The following DSCAM variants were observed in gnomAD, a reference collection of about 807,000 sequenced individuals.
The protein encoded by DSCAM is cell adhesion molecule DSCAM.
Under a neutral mutation model 217.7 loss-of-function variants are expected in DSCAM, and 47 were observed. The observed-to-expected ratio is 0.22, with a 90% CI of 0.17 to 0.28. The LOEUF is 0.28. DSCAM is among the 10% of genes least tolerant of loss of function. The probability of loss-of-function intolerance (pLI) is 1.00; values close to 1 mark genes in which losing one functional copy is unlikely to be tolerated. For missense variants in DSCAM, 2,080 were observed against 2,618.3 expected, an observed-to-expected ratio of 0.79 and a Z score of 4.49; for synonymous variants, 1,056 against 1,015.3, an observed-to-expected ratio of 1.04 and a Z score of -0.76.
intron 13 of DSCAM, among the ~76,000 whole-genome samples, chr21:40,187,503 C>T (rs528521819): frequency 3.9e-5 from 6 of 152,286 alleles, no homozygotes; most frequent in South Asian, 4.1e-4. Flanking sequence ...TAAAATGTCA[C>T]GATTCTAGTT....
intron 1 of DSCAM, among the ~76,000 whole-genome samples, chr21:40,821,093 GAGATATATATATCTTCACATATATAT>G (rs1555892324): frequency 2.3e-5 from 3 of 129,318 alleles, no homozygotes; most frequent in African/African-American, 8.9e-5. Context: ...CATATATAGA[GAGATATATATATCTTCACATATATAT>G]AGATATATAT....
intron 3 of DSCAM, among the ~76,000 whole-genome samples, chr21:40,686,629 G>C (rs945453477): frequency 6.6e-6 from 1 of 152,162 alleles, no homozygotes; most frequent in East Asian, 1.9e-4. Context: ...GTGTTGGGTT[G>C]TACTCCACAA....
At chr21:40,547,629 C>G (rs9977991) in intron 3 of DSCAM, among the ~76,000 whole-genome samples, 71,080 of 151,844 alleles carry the variant, frequency 0.47, 17,142 homozygotes, top group Admixed American at 0.55. Context: ...TCCTGAGTTT[C>G]CTGCACAAGT....
intron 1 of DSCAM, among the ~76,000 whole-genome samples, chr21:40,809,595 C>T (rs2091819806): frequency 6.6e-6 from 1 of 152,202 alleles, no homozygotes; most frequent in South Asian, 2.1e-4. Context: ...TGTAAACTGT[C>T]AGCCTAGACC....
chr21:40,186,433 C>G (rs1029070174), intron 14 of DSCAM, among the ~76,000 whole-genome samples: 2 of 152,144 alleles, frequency 1.3e-5, no homozygotes, highest in Non-Finnish European at 2.9e-5. Context: ...AGTAAAAATT[C>G]TGACTAGAGG....
intron 6 of DSCAM, among the ~76,000 whole-genome samples, chr21:40,345,908 G>A (rs956931527): frequency 4.0e-5 from 6 of 151,602 alleles, no homozygotes; most frequent in Non-Finnish European, 8.9e-5. Flanking sequence ...GGTGCGCCTC[G>A]GCCCCCTTTT....
At chr21:40,127,864 A>G (rs445051) in intron 19 of DSCAM, among the ~76,000 whole-genome samples, 46,691 of 151,800 alleles carry the variant, frequency 0.31, 8,909 homozygotes, top group South Asian at 0.51. Context: ...CCCAACACTG[A>G]GCTCTGTTTC....
rs145548580 is a variant in DSCAM, at chr21:40,339,472, C to G, written c.1211-57G>C. Reference sequence around the variant, plus strand: ...CACATACAAATAATTAAACAACTTCCAAGTATATGTCTTTCATGTCTAGGG... The same window carrying G: ...CACATACAAATAATTAAACAACTTCGAAGTATATGTCTTTCATGTCTAGGG... On this transcript the variant is annotated intron_variant, in intron 6 of 32. Transcript: ENST00000400454. 1.9e-4 allele frequency: 281 copies of G among 1,461,176 alleles called. No homozygotes were observed. In the African/African-American group the frequency reaches 3.4e-3, roughly 18 times the overall value. The allele number at this position is 1,461,176 out of a possible 1,614,324, so 90.5% of individuals were successfully genotyped here.
At chr21:40,338,992 G>T in intron 7 of DSCAM, 127 bp downstream of exon 7, 1 of 1,195,814 alleles carries the variant, frequency 8.4e-7, no homozygotes, top group Non-Finnish European at 1.2e-6. Flanking sequence ...GAAGGAGAGG[G>T]TAGGAAATGG....
intron 3 of DSCAM, among the ~76,000 whole-genome samples, chr21:40,532,608 C>T (rs572054633): frequency 4.6e-5 from 7 of 152,032 alleles, no homozygotes; most frequent in Admixed American, 2.6e-4. Flanking sequence ...CTCAGTGGTC[C>T]GGAACAAGAA....
chr21:40,369,845 T>C (rs2074876313), intron 3 of DSCAM, among the ~76,000 whole-genome samples: 1 of 152,224 alleles, frequency 6.6e-6, no homozygotes, highest in Non-Finnish European at 1.5e-5. Context: ...ACATATCAAT[T>C]CTTCCCAGAT....
intron 20 of DSCAM, among the ~76,000 whole-genome samples, chr21:40,123,974 T>G (rs1029939096): frequency 6.6e-6 from 1 of 152,132 alleles, no homozygotes; most frequent in Non-Finnish European, 1.5e-5. Flanking sequence ...AAATAAACAA[T>G]AATTCCAGAC....
rs548437279 is a variant in DSCAM at position 40,145,666 on chromosome 21, G to A, written c.3019-935C>T. On this transcript the variant is annotated intron_variant, in intron 16 of 32. Transcript: ENST00000400454. ...TCAAGAACAGCCTGGCCAACATGGT[G>A]AAACCCCGTCTCTGCTAAAAATACA... 7.8e-5 allele frequency among the ~76,000 whole-genome samples: 9 copies of A among 115,802 alleles called. No homozygotes were observed. In the South Asian group the frequency reaches 3.1e-3, roughly 40 times the overall value. 76.0% of individuals were successfully genotyped at this position (115,802 alleles called of 152,430 possible). A position where few individuals can be genotyped will look rare whatever the true frequency, so the allele number is the denominator to read the frequency against.
At chr21:40,132,550 C>G (rs1487443215) in intron 19 of DSCAM, among the ~76,000 whole-genome samples, 1 of 152,176 alleles carries the variant, frequency 6.6e-6, no homozygotes. Flanking sequence ...GAAGGACTAC[C>G]TGTGCATTTT....
chr21:40,559,955 G>A (rs1172614264), intron 3 of DSCAM, among the ~76,000 whole-genome samples: 11 of 151,918 alleles, frequency 7.2e-5, no homozygotes, highest in East Asian at 2.0e-4. Context: ...TACCATGCCC[G>A]GCTAATTTTT....
chr21:40,407,758 G>A (rs1392630021), intron 3 of DSCAM, among the ~76,000 whole-genome samples: 1 of 152,210 alleles, frequency 6.6e-6, no homozygotes, highest in Non-Finnish European at 1.5e-5. Context: ...CAGTCCAGGT[G>A]ACAGCATGTG....
intron 3 of DSCAM, among the ~76,000 whole-genome samples, chr21:40,373,441 G>A (rs1228475884): frequency 1.3e-5 from 2 of 152,096 alleles, no homozygotes; most frequent in Non-Finnish European, 2.9e-5. Flanking sequence ...GAGCCTTTGG[G>A]TTTAGGAACA....
At chr21:40,402,650 C>A (rs573643190) in intron 3 of DSCAM, among the ~76,000 whole-genome samples, 4 of 150,266 alleles carry the variant, frequency 2.7e-5, no homozygotes, top group South Asian at 2.1e-4. Flanking sequence ...GCACTTAACT[C>A]AAAATTGACA....
intron 11 of DSCAM, among the ~76,000 whole-genome samples, chr21:40,255,318 A>G (rs1359219295): frequency 6.6e-6 from 1 of 152,108 alleles, no homozygotes; most frequent in African/African-American, 2.4e-5. Context: ...GGTTTGAGAT[A>G]ATGTTACAAA....
Sources: allele counts gnomAD v4.1 joint callset (sites outside exome capture counted in the v4.1 genomes callset), GRCh38; gene constraint gnomAD v4.1.1; transcripts MANE v1.5; gene names NCBI Gene and HGNC (gene_info 2026-07-23, HGNC 2026-07-21).